LAMA2: variants seen among roughly 807,000 people sequenced by gnomAD.
LAMA2 encodes the protein laminin subunit alpha-2.
A neutral mutation model predicts 364.8 loss-of-function variants in LAMA2; 269 were observed. The observed-to-expected ratio is 0.74, with a 90% CI of 0.67 to 0.82. The LOEUF is 0.82. Ranked by LOEUF, LAMA2 falls within the 40% of genes least tolerant of loss-of-function variation. The pLI is 0.00. For synonymous variants in LAMA2, 1,379 were observed against 1,370.6 expected (o/e 1.01, Z -0.14); for missense variants, 3,807 against 3,873.2 (o/e 0.98, Z 0.45).
At chr6:129,396,000 T>G (rs1779596366) in intron 37 of LAMA2, among the ~76,000 whole-genome samples, 1 of 152,176 alleles carries the variant, frequency 6.6e-6, no homozygotes, top group African/African-American at 2.4e-5. Flanking sequence ...ATTGTGAGAC[T>G]AAGCTAAGGA....
In LAMA2 at chr6:129,096,922, C is replaced by T; in HGVS notation, c.397-1251C>T. Among the ~76,000 whole-genome samples the T allele has an allele frequency of 1.3e-5, 2 of 152,178 alleles. 1 individual carries two copies. The highest frequency in any genetic ancestry group is 2.9e-5 in the Non-Finnish European group (2 of 68,028). On this transcript the variant is annotated intron_variant, in intron 3 of 64. Transcript: ENST00000421865. ...ATACCAAATTTTTATATTTTTAAATCTAGTCCCTTAGGGTATACCATAGAT... is the reference window on the plus strand; with the variant it reads ...ATACCAAATTTTTATATTTTTAAATTTAGTCCCTTAGGGTATACCATAGAT...
intron 8 of LAMA2, chr6:129,158,035 G>A (rs1479172182): frequency 3.7e-6 from 6 of 1,612,726 alleles, no homozygotes; most frequent in Non-Finnish European, 5.1e-6. Context: ...TTGCTCTTTA[G>A]GTCTCGATGA....
At chr6:129,040,383 G>A (rs1787003038) in intron 1 of LAMA2, among the ~76,000 whole-genome samples, 1 of 152,170 alleles carries the variant, frequency 6.6e-6, no homozygotes, top group African/African-American at 2.4e-5. Flanking sequence ...CAGTTTGGGA[G>A]GTTGAGGTGG....
chr6:129,319,782 G>T (rs1774838709), intron 27 of LAMA2, among the ~76,000 whole-genome samples: 1 of 152,024 alleles, frequency 6.6e-6, no homozygotes, highest in African/African-American at 2.4e-5. Context: ...ATTTGTGTGG[G>T]TATTATATAT....
chr6:129,328,648 G>A lies in LAMA2; in HGVS notation c.4311+236G>A, dbSNP rs180981117. On this transcript the variant is annotated intron_variant, in intron 29 of 64. Coordinates refer to ENST00000421865, the MANE Select transcript of LAMA2 (RefSeq NM_000426.4). ...AGAATTTTAGCAGCATCTTAGAAGAGCACCAGAAGACATACCTATTTAAAA... is the reference window on the plus strand; with the variant it reads ...AGAATTTTAGCAGCATCTTAGAAGAACACCAGAAGACATACCTATTTAAAA... Among the ~76,000 whole-genome samples the A allele has an allele frequency of 1.1e-3, 174 of 152,280 alleles. 3 individuals carry two copies. In the Middle Eastern group the frequency reaches 0.02, roughly 18 times the overall value.
chr6:129,301,899 G>C lies in LAMA2; in HGVS notation c.3174+1027G>C, dbSNP rs559060884. Among the ~76,000 whole-genome samples, 20 of 152,066 alleles carry C rather than the reference G, an allele frequency of 1.3e-4. No individual in the cohort carries two copies. The East Asian group carries it at 3.1e-3, about 23-fold the overall frequency. On this transcript the variant is annotated intron_variant, in intron 22 of 64. Transcript: ENST00000421865. ...TAGAATCGTAGTCTGTTTTTTTGAGGGGGGGTTTGTTTGTTTCTTTGTTTG... is the reference window on the plus strand; with the variant it reads ...TAGAATCGTAGTCTGTTTTTTTGAGCGGGGGTTTGTTTGTTTCTTTGTTTG...
intron 8 of LAMA2, among the ~76,000 whole-genome samples, chr6:129,159,502 G>A (rs1252946000): frequency 6.6e-6 from 1 of 152,164 alleles, no homozygotes; most frequent in Non-Finnish European, 1.5e-5. Context: ...TCATCGATTC[G>A]GGAGCACCCA....
rs752427126 is a variant in LAMA2, at chr6:129,328,420, T to A, written c.4311+8T>A. The A allele has an allele frequency of 3.1e-6, 5 of 1,614,024 alleles. No homozygotes were observed. In the African/African-American group the frequency reaches 6.7e-5, roughly 22 times the overall value. Reference sequence around the variant, plus strand: ...GAAACATCGATATGCCAGGTAGTCCTCTGAGCCTTCCTTGAACAAGGTCCA... The same window carrying A: ...GAAACATCGATATGCCAGGTAGTCCACTGAGCCTTCCTTGAACAAGGTCCA... On this transcript the variant is annotated splice_region_variant and intron_variant, in intron 29 of 64. Coordinates refer to ENST00000421865, the MANE Select transcript of LAMA2 (RefSeq NM_000426.4).
chr6:128,900,163 A>G (rs1436061294), intron 1 of LAMA2, among the ~76,000 whole-genome samples: 1 of 152,220 alleles, frequency 6.6e-6, no homozygotes, highest in Non-Finnish European at 1.5e-5. Context: ...AGCCAGCAAA[A>G]TGGTGAAATA....
chr6:129,488,697 A>C (rs1213605096), intron 56 of LAMA2, among the ~76,000 whole-genome samples: 1 of 152,240 alleles, frequency 6.6e-6, no homozygotes, highest in Non-Finnish European at 1.5e-5. Flanking sequence ...ACTCTGTGCC[A>C]AAACAGTAAT....
intron 41 of LAMA2, among the ~76,000 whole-genome samples, chr6:129,431,305 A>G (rs1781579589): frequency 1.3e-5 from 2 of 150,634 alleles, no homozygotes; most frequent in African/African-American, 2.4e-5. Flanking sequence ...AGGCTGAGGT[A>G]GGAGAATTGC....
chr6:129,183,566 A>G (rs989610375), intron 10 of LAMA2, among the ~76,000 whole-genome samples: 2 of 151,892 alleles, frequency 1.3e-5, no homozygotes, highest in African/African-American at 2.4e-5. Flanking sequence ...AGCTTTGCTT[A>G]AATTTCTTGA....
At chr6:129,310,935 G>A (rs188338147) in intron 22 of LAMA2, among the ~76,000 whole-genome samples, 38 of 152,168 alleles carry the variant, frequency 2.5e-4, no homozygotes, top group Admixed American at 1.9e-3. Flanking sequence ...GCTGCCCACC[G>A]TTCTTGGAGG....
intron 1 of LAMA2, among the ~76,000 whole-genome samples, chr6:128,909,559 C>G (rs1342867830): frequency 6.7e-6 from 1 of 148,258 alleles, no homozygotes; most frequent in African/African-American, 2.5e-5. Context: ...TTCCTGAATA[C>G]AGCACACTGA....
chr6:129,478,378 CTT>C (rs1165750001), intron 53 of LAMA2, among the ~76,000 whole-genome samples: 1 of 151,998 alleles, frequency 6.6e-6, no homozygotes, highest in Non-Finnish European at 1.5e-5. Context: ...AAAAATAAAA[CTT>C]ATTTCATTAC....
chr6:129,398,131 A>G (rs1779763935), intron 37 of LAMA2, among the ~76,000 whole-genome samples: 1 of 152,162 alleles, frequency 6.6e-6, no homozygotes, highest in Admixed American at 6.5e-5. Context: ...GTGGCACAGC[A>G]TTTTAAATTA....
chr6:129,421,154 C>T (rs1399473272), intron 40 of LAMA2, among the ~76,000 whole-genome samples: 1 of 152,072 alleles, frequency 6.6e-6, no homozygotes, highest in Non-Finnish European at 1.5e-5. Flanking sequence ...GCCAAGTCAT[C>T]TGTTGAATCC....
intron 43 of LAMA2, among the ~76,000 whole-genome samples, chr6:129,441,739 G>T (rs1782124783): frequency 6.6e-6 from 1 of 152,048 alleles, no homozygotes; most frequent in South Asian, 2.1e-4. Flanking sequence ...TGCACTTTGG[G>T]AGCCTGAGGC....
At chr6:128,911,881 A>G (rs920498504) in intron 1 of LAMA2, among the ~76,000 whole-genome samples, 1 of 152,162 alleles carries the variant, frequency 6.6e-6, no homozygotes, top group South Asian at 2.1e-4. Flanking sequence ...AATTTCCTTT[A>G]TATGAAACAC....
Sources: gnomAD v4.1 joint callset for allele counts (sites outside exome capture counted in the v4.1 genomes callset) on GRCh38, gnomAD v4.1.1 for gene constraint, MANE v1.5 for transcripts, NCBI Gene and HGNC (gene_info 2026-07-23, HGNC 2026-07-21) for gene names.